ASAP2: variants seen among roughly 807,000 people sequenced by gnomAD.
ASAP2 encodes arf-GAP with SH3 domain, ANK repeat and PH domain-containing protein 2.
A neutral mutation model predicts 131.4 loss-of-function variants in ASAP2; 45 were observed. The ratio of observed to expected loss-of-function variants is 0.34; its 90% confidence interval spans 0.27 to 0.44. The LOEUF is 0.44. Among genes scored for constraint, ASAP2 ranks in the 20% least tolerant of loss-of-function variants. The probability of loss-of-function intolerance (pLI) is 1.00; values close to 1 mark genes in which losing one functional copy is unlikely to be tolerated. For synonymous variants in ASAP2, 510 were observed against 503.0 expected, an observed-to-expected ratio of 1.01 and a Z score of -0.19; for missense variants, 1,011 against 1,297.0, an observed-to-expected ratio of 0.78 and a Z score of 3.39.
intron 2 of ASAP2, among the ~76,000 whole-genome samples, chr2:9,294,381 C>T (rs1668022965): frequency 6.6e-6 from 1 of 152,076 alleles, no homozygotes; most frequent in Admixed American, 6.5e-5. Flanking sequence ...ATAAGGAGTG[C>T]TTTTGTATTT....
chr2:9,381,923 G>T (rs1674877529), intron 20 of ASAP2, among the ~76,000 whole-genome samples: 2 of 150,704 alleles, frequency 1.3e-5, no homozygotes, highest in African/African-American at 4.9e-5. Context: ...CTATACAAGT[G>T]TAAGATAAGT....
chr2:9,344,972 C>T (rs1240957507), intron 11 of ASAP2, among the ~76,000 whole-genome samples, 172 bp downstream of exon 11: 1 of 149,444 alleles, frequency 6.7e-6, no homozygotes, highest in Non-Finnish European at 1.5e-5. Context: ...TGATTTGGTG[C>T]ACCTGCAGCC....
chr2:9,354,596 C>T (rs566324796), intron 12 of ASAP2, among the ~76,000 whole-genome samples: 8 of 149,414 alleles, frequency 5.4e-5, no homozygotes, highest in East Asian at 2.0e-4. Flanking sequence ...GTGCACTGCA[C>T]GTTTGCACCA....
intron 3 of ASAP2, among the ~76,000 whole-genome samples, chr2:9,305,819 A>G (rs1043482177): frequency 6.1e-5 from 9 of 146,998 alleles, no homozygotes; most frequent in Non-Finnish European, 1.2e-4. Flanking sequence ...ACGTATAGAT[A>G]TTGGTGGAGG....
intron 24 of ASAP2, chr2:9,399,743 G>A (rs2148825167): frequency 8.0e-6 from 4 of 502,474 alleles, no homozygotes; most frequent in Non-Finnish European, 1.4e-5. Flanking sequence ...AGTGGCCAGT[G>A]CCCAGCATCA....
chr2:9,240,185 T>C (rs1331871936), intron 1 of ASAP2, among the ~76,000 whole-genome samples: 1 of 151,922 alleles, frequency 6.6e-6, no homozygotes, highest in African/African-American at 2.4e-5. Flanking sequence ...CCAGCTAATA[T>C]TGAACTAGTT....
At chr2:9,403,009 C>G (rs1342982693) in intron 27 of ASAP2, among the ~76,000 whole-genome samples, 1 of 152,160 alleles carries the variant, frequency 6.6e-6, no homozygotes, top group Non-Finnish European at 1.5e-5. Flanking sequence ...TGGCCATCCC[C>G]ACGAGCGAAC....
At position 9,320,290 on chromosome 2, in the gene ASAP2, T is replaced by C. The variant is rs1670072170; in HGVS notation, c.423T>C (p.Asp141=). ...AATTTATTATTCTTTGTTTACAGGA[T>C]CTGAAAAAGCCTTTTGATAAAGCTT... is the stretch of plus-strand genomic sequence containing the variant. ...LKGDLKGVKG[D]LKKPFDKAWK... The change falls in exon 5 of 28, where the codon GAT becomes GAC. Residue 141 remains aspartate, a splice_region_variant and synonymous_variant. Coordinates refer to ENST00000281419, the MANE Select transcript of ASAP2 (RefSeq NM_003887.3). 1.2e-6 allele frequency: 2 copies of C among 1,609,918 alleles called. No homozygotes were observed. Among genetic ancestry groups the C allele is most frequent in the Admixed American group, 3.4e-5 (2 of 59,370 alleles).
chr2:9,369,615 G>T (rs1673776578), intron 16 of ASAP2, among the ~76,000 whole-genome samples: 1 of 152,228 alleles, frequency 6.6e-6, no homozygotes, highest in African/African-American at 2.4e-5. Flanking sequence ...ACCTGCATTT[G>T]AGTGGTGAGG....
chr2:9,375,986 G>C, intron 17 of ASAP2, among the ~76,000 whole-genome samples: 1 of 152,226 alleles, frequency 6.6e-6, no homozygotes, highest in East Asian at 1.9e-4. Context: ...AAGTGGGGTG[G>C]CATGTGTCCA....
At chr2:9,210,704 G>A (rs1378766167) in intron 1 of ASAP2, among the ~76,000 whole-genome samples, 6 of 151,968 alleles carry the variant, frequency 3.9e-5, no homozygotes, top group Admixed American at 6.5e-5. Flanking sequence ...ACAGGTGCCC[G>A]CCACCATGCC....
At chr2:9,351,476 A>T (rs1323861336) in intron 12 of ASAP2, among the ~76,000 whole-genome samples, 1 of 152,168 alleles carries the variant, frequency 6.6e-6, no homozygotes, top group East Asian at 1.9e-4. Context: ...AGGGCCCATG[A>T]TGTCTAAAAG....
chr2:9,270,999 T>A (rs1471266616), intron 1 of ASAP2, among the ~76,000 whole-genome samples: 2 of 151,712 alleles, frequency 1.3e-5, no homozygotes, highest in Non-Finnish European at 2.9e-5. Context: ...TTCACCGTGT[T>A]AGCCAGGATA....
At position 9,389,881 on chromosome 2, in the gene ASAP2, G is replaced by C. The variant is rs953419453; in HGVS notation, c.2384-1181G>C. Among the ~76,000 whole-genome samples, 3 of 152,156 alleles carry C rather than the reference G, an allele frequency of 2.0e-5. No individual in the cohort carries two copies. The highest frequency in any genetic ancestry group is 4.8e-5 in the African/African-American group (2 of 41,436). The stretch of plus-strand genomic sequence containing the variant: ...TCCCTGTCAAACCCCCAGGCTGGCT[G>C]GTCGGGGCCCAGGGTGGGTGCGGCT... On this transcript the variant is annotated intron_variant, in intron 22 of 27. Coordinates refer to ENST00000281419, the MANE Select transcript of ASAP2 (RefSeq NM_003887.3). This position sits in a 1 kb window ranked among gnomAD's most constrained non-coding sequence, Gnocchi z 4.7.
intron 2 of ASAP2, among the ~76,000 whole-genome samples, chr2:9,283,835 T>G (rs1667287900): frequency 6.6e-6 from 1 of 152,098 alleles, no homozygotes; most frequent in Non-Finnish European, 1.5e-5. Context: ...GTCCACTTTC[T>G]CCTCTTATAA....
At chr2:9,358,287 CT>C (rs1479995417) in intron 14 of ASAP2, among the ~76,000 whole-genome samples, 1 of 152,236 alleles carries the variant, frequency 6.6e-6, no homozygotes, top group Admixed American at 6.5e-5. Context: ...CACAGCATAT[CT>C]TATGTACATA....
chr2:9,276,893 G>A (rs555258795), intron 1 of ASAP2, among the ~76,000 whole-genome samples: 1 of 152,156 alleles, frequency 6.6e-6, no homozygotes, highest in African/African-American at 2.4e-5. Context: ...CTGGCCCATG[G>A]AAGGTGCTTA....
intron 17 of ASAP2, 112 bp from the exon 18 acceptor site, chr2:9,376,796 C>T (rs556318316): frequency 5.1e-6 from 5 of 975,698 alleles, no homozygotes; most frequent in Admixed American, 2.2e-5. Flanking sequence ...ATAAGTTTCT[C>T]GAAGGGAAAG....
At chr2:9,364,378 A>C (rs567701205) in intron 15 of ASAP2, among the ~76,000 whole-genome samples, 5 of 152,184 alleles carry the variant, frequency 3.3e-5, no homozygotes, top group African/African-American at 1.2e-4. Context: ...ATGGTAGTAC[A>C]TGCCTGTGGT....
Sources: gnomAD v4.1 joint callset for allele counts (sites outside exome capture counted in the v4.1 genomes callset) on GRCh38, gnomAD v4.1.1 for gene constraint, Gnocchi (gnomAD v3.1) non-coding constraint, MANE v1.5 for transcripts, NCBI Gene and HGNC (gene_info 2026-07-23, HGNC 2026-07-21) for gene names.